PHF19: variants seen among roughly 807,000 people sequenced by gnomAD.
PHF19 encodes polycomb like 3.
PHF19 carries 21 observed loss-of-function variants against 79.8 expected under a neutral mutation model. The ratio of observed to expected loss-of-function variants is 0.26; its 90% confidence interval spans 0.19 to 0.38. PHF19 has a LOEUF of 0.38. Among genes scored for constraint, PHF19 ranks in the 10% least tolerant of loss-of-function variants. The pLI is 1.00. For synonymous variants in PHF19, 273 were observed against 296.3 expected, an observed-to-expected ratio of 0.92 and a Z score of 0.81; for missense variants, 445 against 744.2, an observed-to-expected ratio of 0.60 and a Z score of 4.68.
upstream of PHF19, among the ~76,000 whole-genome samples, chr9:120,880,381 G>C (rs563781842): frequency 6.6e-6 from 1 of 152,204 alleles, no homozygotes; most frequent in Non-Finnish European, 1.5e-5. Context: ...TGTAGTCCCA[G>C]CTACTTGGGA....
intron 1 of PHF19, among the ~76,000 whole-genome samples, chr9:120,889,930 G>T (rs1356883620): frequency 6.6e-6 from 1 of 152,200 alleles, no homozygotes; most frequent in Non-Finnish European, 1.5e-5. Flanking sequence ...TCTGGACTTG[G>T]ACAACCTAAG....
rs753720681 is a variant in PHF19, at chr9:120,866,081, G to T, written c.726C>A (p.Phe242Leu). The change falls in exon 8 of 15, where the codon TTC becomes TTA. Residue 242 changes from phenylalanine to leucine, a missense_variant. Coordinates refer to ENST00000373896, the MANE Select transcript of PHF19 (RefSeq NM_015651.3). The surrounding 1 kb of genome is among the most constrained non-coding windows in gnomAD (Gnocchi z 5.2). ...CTGGGCCCTGGTTACACACGGAGCA[G>T]AAGAACAGGTAAAACCTGTGGGTGG... The part of the protein sequence containing the change: ...MMFGDRFYLF[F>L]CSVCNQGPEY... The T allele has an allele frequency of 6.2e-7, 1 of 1,613,810 alleles. No homozygotes were observed. Among genetic ancestry groups the T allele is most frequent in the Admixed American group, 1.7e-5 (1 of 60,008 alleles).
Position 120,860,245 on chromosome 9 carries a change from T to G in PHF19, c.1305-60A>C. The G allele has an allele frequency of 1.1e-6, 1 of 912,382 alleles. No homozygotes were observed. Among genetic ancestry groups the G allele is most frequent in the East Asian group, 2.6e-5 (1 of 38,208 alleles). 56.5% of individuals were successfully genotyped at this position (912,382 alleles called of 1,614,324 possible). A position where few individuals can be genotyped will look rare whatever the true frequency, so the allele number is the denominator to read the frequency against. ...CCGGCCCAGCAAGTTCCTGCCAACCTGGCCCGCAGGTTCCCCTAACATGCA... is the reference window on the plus strand; with the variant it reads ...CCGGCCCAGCAAGTTCCTGCCAACCGGGCCCGCAGGTTCCCCTAACATGCA... On this transcript the variant is annotated intron_variant, in intron 13 of 14. Coordinates refer to ENST00000373896, the MANE Select transcript of PHF19 (RefSeq NM_015651.3). The surrounding 1 kb of genome is among the most constrained non-coding windows in gnomAD (Gnocchi z 4.1).
intron 1 of PHF19, among the ~76,000 whole-genome samples, chr9:120,890,863 G>A (rs2046333161): frequency 6.6e-6 from 1 of 152,168 alleles, no homozygotes; most frequent in South Asian, 2.1e-4. Flanking sequence ...TAACTTCATG[G>A]TCAAGTTCAG....
upstream of PHF19, among the ~76,000 whole-genome samples, chr9:120,898,805 C>G (rs2046420246): frequency 1.3e-5 from 2 of 152,294 alleles, no homozygotes; most frequent in African/African-American, 4.8e-5. Context: ...AATAATCACA[C>G]CTTCCTGATG....
intron 1 of PHF19, 105 bp downstream of exon 1, chr9:120,876,986 G>A (rs73541868): frequency 0.56 from 549,004 of 984,338 alleles, 154,789 homozygotes; most frequent in South Asian, 0.69. Context: ...CTCACCCCCC[G>A]GAGGCGTTCG....
chr9:120,858,364 C>T (rs2045407825), intron 14 of PHF19, 78 bp from the exon 15 acceptor site: 2 of 1,099,622 alleles, frequency 1.8e-6, no homozygotes, highest in Non-Finnish European at 1.3e-6. Context: ...TGAGTCCTCC[C>T]CTCAGTACCA....
At chr9:120,877,653 T>A (rs117381821), upstream of PHF19, among the ~76,000 whole-genome samples, 245 of 152,282 alleles carry the variant, frequency 1.6e-3, 8 homozygotes, top group East Asian at 0.041. Context: ...GCGCGGACCC[T>A]TGGCGCAGAC....
intron 6 of PHF19, chr9:120,868,816 G>A (rs1172347577): frequency 5.8e-6 from 6 of 1,035,876 alleles, no homozygotes; most frequent in Non-Finnish European, 7.0e-6. Flanking sequence ...ACCTCCCTGG[G>A]GCCCTGCTTG....
chr9:120,894,409 A>G (rs1332293344), intron 1 of PHF19, among the ~76,000 whole-genome samples: 2 of 152,016 alleles, frequency 1.3e-5, no homozygotes, highest in Non-Finnish European at 2.9e-5. Flanking sequence ...GCGGAGACTC[A>G]CATGTTTCCA....
At chr9:120,858,485 GATTATC>G (rs2045412181) in intron 14 of PHF19, among the ~76,000 whole-genome samples, 199 bp from the exon 15 acceptor site, 1 of 152,156 alleles carries the variant, frequency 6.6e-6, no homozygotes, top group African/African-American at 2.4e-5. Flanking sequence ...CTTGGGCATA[GATTATC>G]TCACCAGATC....
chr9:120,881,101 G>C (rs1281846720), upstream of PHF19, among the ~76,000 whole-genome samples: 2 of 151,588 alleles, frequency 1.3e-5, no homozygotes, highest in Non-Finnish European at 2.9e-5. Context: ...GTAACCTTTG[G>C]GAAGGGAGGG....
chr9:120,881,089 G>C (rs780798092), upstream of PHF19, among the ~76,000 whole-genome samples: 31 of 151,840 alleles, frequency 2.0e-4, no homozygotes, highest in Non-Finnish European at 1.5e-4. Context: ...ATTTAGAATA[G>C]GGTAACCTTT....
In PHF19 at chr9:120,874,776, G is replaced by A. The variant is rs372079777; in HGVS notation, c.-15-20C>T. 5.5e-5 allele frequency: 85 copies of A among 1,558,814 alleles called. No individual in the cohort carries two copies. Among genetic ancestry groups the A allele is most frequent in the Non-Finnish European group, 7.2e-5 (82 of 1,135,472 alleles). On this transcript the variant is annotated intron_variant, in intron 1 of 14. Transcript: ENST00000373896. This position sits in a 1 kb window ranked among gnomAD's most constrained non-coding sequence, Gnocchi z 4.5. ...CTGACACTGGGAGAGAAAGAACAGGGTTTTTGCTTCTTGCTTCCCTGCTTC... is the reference window on the plus strand; with the variant it reads ...CTGACACTGGGAGAGAAAGAACAGGATTTTTGCTTCTTGCTTCCCTGCTTC...
Position 120,884,288 on chromosome 9 carries a change from G to T in PHF19, c.43-9532C>A, listed in dbSNP as rs576627698. 5.4e-4 allele frequency among the ~76,000 whole-genome samples: 82 copies of T among 152,250 alleles called. No individual in the cohort carries two copies. The South Asian group carries it at 8.1e-3, about 15-fold the overall frequency. On this transcript the variant is annotated intron_variant, in intron 1 of 14. Coordinates refer to the PHF19 transcript ENST00000616568. The stretch of plus-strand genomic sequence containing the variant: ...GTTTTCCCCACGTTAAAATACAGAG[G>T]TGTCATTTTATTAATGAACTCCAGT...
At chr9:120,890,072 C>T (rs906674526) in intron 1 of PHF19, among the ~76,000 whole-genome samples, 6 of 152,200 alleles carry the variant, frequency 3.9e-5, no homozygotes, top group Non-Finnish European at 1.5e-5. Context: ...GACCATCATG[C>T]CTCAGGCAGC....
chr9:120,871,840 C>A (rs1010669492), intron 3 of PHF19, among the ~76,000 whole-genome samples: 1 of 151,860 alleles, frequency 6.6e-6, no homozygotes, highest in African/African-American at 2.4e-5. Flanking sequence ...GAGTTCGAGA[C>A]CAGCCTGCCC....
At chr9:120,883,761 CAAAAAAAA>C (rs563911814) in intron 1 of PHF19, among the ~76,000 whole-genome samples, 25 of 109,998 alleles carry the variant, frequency 2.3e-4, no homozygotes, top group African/African-American at 8.0e-4. Context: ...ACACTGTCTC[CAAAAAAAA>C]AAAAAAAAAA....
chr9:120,866,192 C>T lies in PHF19; in HGVS notation c.711-96G>A, dbSNP rs771993638. ...GATCTCCTCATTCCCCACCTACCTT[C>T]CCATAATCTTCTCACTCCTAGGACT... On this transcript the variant is annotated intron_variant, in intron 7 of 14. Coordinates refer to ENST00000373896, the MANE Select transcript of PHF19 (RefSeq NM_015651.3). The surrounding 1 kb of genome is among the most constrained non-coding windows in gnomAD (Gnocchi z 5.2). The T allele has an allele frequency of 1.1e-6, 1 of 897,582 alleles. No homozygotes were observed. The highest frequency in any genetic ancestry group is 2.5e-5 in the East Asian group (1 of 40,572). The allele number at this position is 897,582 out of a possible 1,614,324, so 55.6% of individuals were successfully genotyped here.
Sources: gnomAD v4.1 joint callset for allele counts (sites outside exome capture counted in the v4.1 genomes callset) on GRCh38, gnomAD v4.1.1 for gene constraint, Gnocchi (gnomAD v3.1) non-coding constraint, MANE v1.5 for transcripts, NCBI Gene and HGNC (gene_info 2026-07-23, HGNC 2026-07-21) for gene names.